Variants in GRAMD1B observed in about 807,000 individuals in gnomAD.
The protein encoded by GRAMD1B is GRAM domain containing 1B.
A neutral mutation model predicts 99.7 loss-of-function variants in GRAMD1B; 37 were observed. The ratio of observed to expected loss-of-function variants is 0.37; its 90% CI spans 0.29 to 0.49. GRAMD1B has a LOEUF of 0.49. GRAMD1B is among the 20% of genes least tolerant of loss of function. The probability of loss-of-function intolerance (pLI) is 0.98; values close to 1 mark genes in which losing one functional copy is unlikely to be tolerated. For synonymous variants in GRAMD1B, 427 were observed against 387.6 expected, an observed-to-expected ratio of 1.10 and a Z score of -1.19; for missense variants, 888 against 1,009.2, an observed-to-expected ratio of 0.88 and a Z score of 1.63.
chr11:123,567,901 T>A (rs997942147), intron 2 of GRAMD1B, among the ~76,000 whole-genome samples: 1 of 152,232 alleles, frequency 6.6e-6, no homozygotes, highest in Admixed American at 6.5e-5. Flanking sequence ...AAACTTTCCG[T>A]GAACTTTGCC....
chr11:123,436,545 G>A (rs1949167595), intron 1 of GRAMD1B, among the ~76,000 whole-genome samples: 1 of 152,166 alleles, frequency 6.6e-6, no homozygotes, highest in Admixed American at 6.5e-5. Flanking sequence ...GCGCTTCCTA[G>A]GCAAAGTGAA....
chr11:123,430,506 G>A lies in GRAMD1B; in HGVS notation c.-287G>A. On this transcript the variant is annotated 5_prime_UTR_variant, in exon 1 of 20. Transcript: ENST00000635736. ...AGCGGGCGCGCGAGGGGAGCCCCAGGAGGGCTGCCGAGTGGCTGGCAGGCG... is the reference window on the plus strand; with the variant it reads ...AGCGGGCGCGCGAGGGGAGCCCCAGAAGGGCTGCCGAGTGGCTGGCAGGCG... 1 of 421,296 alleles carries A rather than the reference G, an allele frequency of 2.4e-6. No individual in the cohort carries two copies. Among genetic ancestry groups the A allele is most frequent in the Non-Finnish European group, 4.2e-6 (1 of 238,094 alleles). The allele number at this position is 421,296 out of a possible 1,614,324, so 26.1% of individuals were successfully genotyped here.
intron 2 of GRAMD1B, among the ~76,000 whole-genome samples, chr11:123,516,519 A>G (rs979807574): frequency 5.3e-5 from 8 of 152,230 alleles, no homozygotes; most frequent in Admixed American, 2.6e-4. Flanking sequence ...TCTCATGCAA[A>G]TAGAAAGCTC....
At chr11:123,532,182 A>G (rs1292926001) in intron 2 of GRAMD1B, among the ~76,000 whole-genome samples, 1 of 152,200 alleles carries the variant, frequency 6.6e-6, no homozygotes, top group Non-Finnish European at 1.5e-5. Context: ...TGATCACTCC[A>G]AGTCCCCTCA....
intron 1 of GRAMD1B, among the ~76,000 whole-genome samples, chr11:123,450,352 A>G (rs1002538931): frequency 1.3e-5 from 2 of 152,202 alleles, no homozygotes; most frequent in Non-Finnish European, 2.9e-5. Context: ...TTTGGAATAT[A>G]TGCATCCTTC....
At chr11:123,485,770 A>G (rs1937678478) in intron 2 of GRAMD1B, among the ~76,000 whole-genome samples, 2 of 144,998 alleles carry the variant, frequency 1.4e-5, no homozygotes, top group Admixed American at 1.4e-4. Flanking sequence ...AGGGTGGAAT[A>G]GTGGCATGAT....
chr11:123,390,138 T>TAG (rs1947222570), intron 1 of GRAMD1B, among the ~76,000 whole-genome samples: 3 of 142,726 alleles, frequency 2.1e-5, no homozygotes, highest in African/African-American at 7.9e-5. Context: ...ATCAATTCAT[T>TAG]AAAAAAAAAA....
At chr11:123,484,541 C>A (rs749084847) in intron 2 of GRAMD1B, among the ~76,000 whole-genome samples, 1 of 152,188 alleles carries the variant, frequency 6.6e-6, no homozygotes, top group Non-Finnish European at 1.5e-5. Flanking sequence ...CTGGCCCACT[C>A]GCAGTCCCCT....
chr11:123,554,525 C>CAAAAAAAA (rs750680684), intron 2 of GRAMD1B, among the ~76,000 whole-genome samples: 6 of 86,414 alleles, frequency 6.9e-5, no homozygotes, highest in Non-Finnish European at 1.6e-4. Flanking sequence ...CCCATCTTTA[C>CAAAAAAAA]AAAAAAAAAA....
chr11:123,441,653 A>C (rs1949413130), intron 1 of GRAMD1B, among the ~76,000 whole-genome samples: 1 of 152,078 alleles, frequency 6.6e-6, no homozygotes. Context: ...AAAATTAGCC[A>C]GGCATGGTGG....
rs190932458 is a variant in GRAMD1B at position 123,552,394 on chromosome 11, C to G, written c.453-24973C>G. On this transcript the variant is annotated intron_variant, in intron 2 of 19. Coordinates refer to ENST00000635736, the MANE Select transcript of GRAMD1B (RefSeq NM_001387025.1). ...GCAGCCTCCAATGCTCCTGCCTCAG[C>G]CTCCCCAGTAGCTGGGATTACAGGG... 8.5e-3 allele frequency among the ~76,000 whole-genome samples: 1,284 copies of G among 151,558 alleles called. 9 individuals are homozygous for G. The highest frequency in any genetic ancestry group is 0.014 in the Non-Finnish European group (937 of 67,918).
At chr11:123,416,544 T>C (rs1948238171) in intron 1 of GRAMD1B, among the ~76,000 whole-genome samples, 1 of 152,220 alleles carries the variant, frequency 6.6e-6, no homozygotes. Flanking sequence ...TTGACCTCAG[T>C]CTTTATTCAT....
chr11:123,416,580 G>A (rs1308833442), intron 1 of GRAMD1B, among the ~76,000 whole-genome samples: 1 of 152,182 alleles, frequency 6.6e-6, no homozygotes, highest in East Asian at 1.9e-4. Flanking sequence ...TGAGTAGGGA[G>A]CTACTGAAAT....
At chr11:123,616,651 G>T (rs555252805) in intron 17 of GRAMD1B, among the ~76,000 whole-genome samples, 1 of 152,218 alleles carries the variant, frequency 6.6e-6, no homozygotes, top group African/African-American at 2.4e-5. Context: ...CACGTGGGAC[G>T]GGCTGACACA....
chr11:123,368,717 A>C (rs971194100), intron 1 of GRAMD1B, among the ~76,000 whole-genome samples: 6 of 151,176 alleles, frequency 4.0e-5, no homozygotes, highest in African/African-American at 1.2e-4. Flanking sequence ...GAAAGAAAGA[A>C]AAAAGAAAAG....
chr11:123,424,261 A>G (rs955261399), intron 1 of GRAMD1B, among the ~76,000 whole-genome samples: 1 of 151,570 alleles, frequency 6.6e-6, no homozygotes, highest in Non-Finnish European at 1.5e-5. Flanking sequence ...ACCAAAAAAA[A>G]AAAAAAAAAG....
chr11:123,473,255 G>T (rs1951102528), intron 1 of GRAMD1B, among the ~76,000 whole-genome samples: 1 of 152,024 alleles, frequency 6.6e-6, no homozygotes, highest in Non-Finnish European at 1.5e-5. Flanking sequence ...GTAGAGACGG[G>T]GTTTCACCAT....
intron 1 of GRAMD1B, among the ~76,000 whole-genome samples, chr11:123,466,468 GAAAAGAAAGAAAGAAAGA>G (rs569531953): frequency 7.9e-4 from 115 of 145,152 alleles, no homozygotes; most frequent in Non-Finnish European, 1.4e-3. Flanking sequence ...AAGAAAGAAA[GAAAAGAAAGAAAGAAAGA>G]AAAAGAAAGA....
intron 2 of GRAMD1B, among the ~76,000 whole-genome samples, chr11:123,515,072 C>T (rs1941546397): frequency 6.6e-6 from 1 of 152,200 alleles, no homozygotes; most frequent in Non-Finnish European, 1.5e-5. Flanking sequence ...ACACTCTAGT[C>T]ATATTTCAGG....
Sources: gnomAD v4.1 joint callset for allele counts (sites outside exome capture counted in the v4.1 genomes callset) on GRCh38, gnomAD v4.1.1 for gene constraint, MANE v1.5 for transcripts, NCBI Gene and HGNC (gene_info 2026-07-23, HGNC 2026-07-21) for gene names.